Variants in RAD51B observed in about 807,000 individuals in gnomAD.
RAD51B encodes the protein DNA repair protein RAD51 homolog 2.
RAD51B carries 38 observed loss-of-function variants against 42.2 expected under a neutral mutation model. The observed-to-expected ratio is 0.90, with a 90% CI of 0.70 to 1.18. The LOEUF is 1.18. Among genes scored for constraint, RAD51B ranks in the 50% most tolerant of loss-of-function variants. The pLI, the probability that RAD51B is intolerant of heterozygous loss-of-function variation, is 0.00. For missense variants in RAD51B, 373 were observed against 400.7 expected (o/e 0.93, Z 0.59); for synonymous variants, 154 against 145.2 (o/e 1.06, Z -0.43).
intron 7 of RAD51B, among the ~76,000 whole-genome samples, chr14:68,055,799 A>C (rs2076464278): frequency 6.6e-6 from 1 of 151,982 alleles, no homozygotes; most frequent in Admixed American, 6.6e-5. Context: ...GCTTATTCTT[A>C]ATGCTGGCTC....
At chr14:68,209,624 C>A (rs1270072575) in intron 7 of RAD51B, among the ~76,000 whole-genome samples, 1 of 152,104 alleles carries the variant, frequency 6.6e-6, no homozygotes, top group Non-Finnish European at 1.5e-5. Flanking sequence ...TGCACCAGTC[C>A]ACTTTTAATC....
chr14:68,676,327 A>G (rs973768081), intron 11 of RAD51B, among the ~76,000 whole-genome samples: 2 of 152,166 alleles, frequency 1.3e-5, no homozygotes, highest in Admixed American at 1.3e-4. Flanking sequence ...CTGGCTGTAG[A>G]CCCTCATAGT....
intron 10 of RAD51B, among the ~76,000 whole-genome samples, chr14:68,532,151 G>T (rs568609568): frequency 6.6e-6 from 1 of 152,242 alleles, no homozygotes; most frequent in Admixed American, 6.5e-5. Flanking sequence ...AGTGGAATCT[G>T]ATTTTTAAAA....
rs1209685200 is a variant in RAD51B, at chr14:68,050,261, CTTTTCTT to C, written c.756+163067_756+163073del. ...TCCCTTTCCCTTTCTTCTGTTTTCT[CTTTTCTT>C]TTTTCTTTTCTTTTCTTTTCTACCT... On this transcript the variant is annotated intron_variant, in intron 7 of 10. Transcript: ENST00000471583. 3.4e-5 allele frequency among the ~76,000 whole-genome samples: 5 copies of C among 147,278 alleles called. No homozygotes were observed. In the Admixed American group the frequency reaches 3.4e-4, roughly 10 times the overall value.
chr14:68,170,409 G>C (rs1406953037), intron 7 of RAD51B, among the ~76,000 whole-genome samples: 7 of 152,154 alleles, frequency 4.6e-5, no homozygotes, highest in Non-Finnish European at 1.0e-4. Flanking sequence ...AGATTGGGCA[G>C]GGGAAGTACT....
rs113996268 is a variant in RAD51B, at chr14:68,493,543, G to T, written c.1036+25293G>T. Among the ~76,000 whole-genome samples the T allele has an allele frequency of 5.8e-3, 876 of 152,338 alleles. 10 individuals are homozygous for T. The highest frequency in any genetic ancestry group is 0.02 in the African/African-American group (822 of 41,572). ...CATTTGCAACTTGCACATTTGTTGT[G>T]CTTTCCATATACCCACGATTAGCTC... On this transcript the variant is annotated intron_variant, in intron 10 of 10. Coordinates refer to the RAD51B transcript ENST00000487270.
chr14:67,959,175 G>C (rs903498805), intron 7 of RAD51B, among the ~76,000 whole-genome samples: 3 of 151,692 alleles, frequency 2.0e-5, no homozygotes, highest in African/African-American at 7.3e-5. Flanking sequence ...TCACCTGCTA[G>C]TGTTACCAAT....
chr14:68,441,541 C>CA (rs67477807), intron 9 of RAD51B, among the ~76,000 whole-genome samples: 753 of 67,842 alleles, frequency 0.011, 24 homozygotes, highest in African/African-American at 0.013. Flanking sequence ...GACTCCATCT[C>CA]AAAAAAAAAA....
intron 7 of RAD51B, among the ~76,000 whole-genome samples, chr14:68,162,228 A>G (rs1240167821): frequency 6.6e-6 from 1 of 152,208 alleles, no homozygotes; most frequent in Non-Finnish European, 1.5e-5. Context: ...TAACTTTAGA[A>G]TATTGAATTA....
intron 7 of RAD51B, among the ~76,000 whole-genome samples, chr14:67,960,437 A>G (rs1400622182): frequency 6.6e-6 from 1 of 152,164 alleles, no homozygotes; most frequent in Admixed American, 6.5e-5. Context: ...TCAGCACTTC[A>G]GGAGAGCCTA....
chr14:68,447,258 T>A (rs1369606506), intron 9 of RAD51B, among the ~76,000 whole-genome samples: 1 of 152,168 alleles, frequency 6.6e-6, no homozygotes, highest in Non-Finnish European at 1.5e-5. Flanking sequence ...TAGATCCTCA[T>A]AGTTACATAC....
chr14:68,085,417 A>G (rs931484175), intron 7 of RAD51B, among the ~76,000 whole-genome samples: 2 of 152,180 alleles, frequency 1.3e-5, no homozygotes, highest in Admixed American at 1.3e-4. Context: ...CAGCTTTTTC[A>G]AGGGACTGAA....
chr14:68,246,303 G>GA (rs960728056), intron 7 of RAD51B, among the ~76,000 whole-genome samples: 122 of 145,938 alleles, frequency 8.4e-4, no homozygotes, highest in African/African-American at 1.7e-3. Flanking sequence ...GGAAAGCCTT[G>GA]AAAAAAAAAA....
chr14:68,331,649 G>A (rs755445952), intron 8 of RAD51B, among the ~76,000 whole-genome samples: 12 of 152,194 alleles, frequency 7.9e-5, no homozygotes, highest in East Asian at 1.9e-4. Context: ...GACAGATTCC[G>A]CATGTTCTGC....
chr14:68,287,210 T>C (rs932690961), intron 7 of RAD51B, among the ~76,000 whole-genome samples: 1 of 152,164 alleles, frequency 6.6e-6, no homozygotes, highest in Non-Finnish European at 1.5e-5. Context: ...TTTTTAAAGA[T>C]CTTAATTTTT....
chr14:68,283,510 C>T (rs2081359128), intron 7 of RAD51B, among the ~76,000 whole-genome samples: 1 of 152,178 alleles, frequency 6.6e-6, no homozygotes, highest in Admixed American at 6.5e-5. Context: ...ACACAGTTGG[C>T]GAATACACCA....
Position 68,147,343 on chromosome 14 carries a change from A to G in RAD51B, c.757-144541A>G, listed in dbSNP as rs146910697. The stretch of plus-strand genomic sequence containing the variant: ...CTCACATTGAGATTTAATGTATTTC[A>G]GTTTAATAAATGAGAACATATAAAA... On this transcript the variant is annotated intron_variant, in intron 7 of 10. Transcript: ENST00000471583. Among the ~76,000 whole-genome samples, 146 of 152,334 alleles carry G rather than the reference A, an allele frequency of 9.6e-4. 4 individuals are homozygous for G. In the East Asian group the frequency reaches 0.026, roughly 27 times the overall value.
chr14:68,384,663 A>G lies in RAD51B; in HGVS notation c.854-26761A>G, dbSNP rs137879132. Among the ~76,000 whole-genome samples the G allele has an allele frequency of 9.2e-5, 14 of 152,348 alleles. No homozygotes were observed. In the East Asian group the frequency reaches 1.3e-3, roughly 15 times the overall value. On this transcript the variant is annotated intron_variant, in intron 8 of 10. Transcript: ENST00000471583. ...GAAGGAAAGTTGTCTTGGGATCAGA[A>G]TTAAGGTTCCTTTTTCTTGTTTTCA... is the stretch of plus-strand genomic sequence containing the variant.
At chr14:67,990,516 A>G (rs1016665664) in intron 7 of RAD51B, among the ~76,000 whole-genome samples, 7 of 152,214 alleles carry the variant, frequency 4.6e-5, no homozygotes, top group Non-Finnish European at 8.8e-5. Flanking sequence ...GCCTCACACA[A>G]TTATTGGTTA....
Sources: gnomAD v4.1 joint callset for allele counts (sites outside exome capture counted in the v4.1 genomes callset) on GRCh38, gnomAD v4.1.1 for gene constraint, MANE v1.5 for transcripts, NCBI Gene and HGNC (gene_info 2026-07-23, HGNC 2026-07-21) for gene names.